TTC29: variants seen among roughly 807,000 people sequenced by gnomAD.
TTC29 encodes the protein tetratricopeptide repeat domain 29.
A neutral mutation model predicts 58.1 loss-of-function variants in TTC29; 49 were observed. The observed-to-expected ratio is 0.84, with a 90% confidence interval of 0.67 to 1.07. TTC29 has a LOEUF of 1.07. Among genes scored for constraint, TTC29 ranks in the 50% least tolerant of loss-of-function variants. The probability of loss-of-function intolerance (pLI) is 0.00; values close to 1 mark genes in which losing one functional copy is unlikely to be tolerated. For synonymous variants in TTC29, 209 were observed against 196.8 expected (o/e 1.06, Z -0.52); for missense variants, 582 against 555.6 (o/e 1.05, Z -0.48).
At chr4:146,917,682 ATAT>A (rs1467602268) in intron 4 of TTC29, among the ~76,000 whole-genome samples, 8 of 99,214 alleles carry the variant, frequency 8.1e-5, no homozygotes, top group South Asian at 6.7e-4. Flanking sequence ...TATAAATTTT[ATAT>A]TATATTACTT....
At chr4:146,782,076 A>AT (rs1454028443) in intron 11 of TTC29, among the ~76,000 whole-genome samples, 2 of 151,896 alleles carry the variant, frequency 1.3e-5, no homozygotes, top group African/African-American at 2.4e-5. Flanking sequence ...AAAACATGGC[A>AT]TTTTTTGAGT....
intron 9 of TTC29, among the ~76,000 whole-genome samples, chr4:146,831,129 C>A (rs1728129668): frequency 6.6e-6 from 1 of 152,166 alleles, no homozygotes; most frequent in African/African-American, 2.4e-5. Flanking sequence ...CACTTTTTCA[C>A]TATGACCTCA....
intron 6 of TTC29, among the ~76,000 whole-genome samples, chr4:146,898,107 G>A (rs909459801): frequency 1.3e-5 from 2 of 152,194 alleles, no homozygotes; most frequent in African/African-American, 4.8e-5. Flanking sequence ...AAATCACATA[G>A]TGTCATGATC....
chr4:146,837,292 A>G (rs1283767421), intron 8 of TTC29, among the ~76,000 whole-genome samples: 1 of 152,042 alleles, frequency 6.6e-6, no homozygotes, highest in African/African-American at 2.4e-5. Context: ...GTGCTAAATG[A>G]TGGGAACTCA....
At chr4:146,825,128 TC>T (rs1727692760) in intron 9 of TTC29, among the ~76,000 whole-genome samples, 1 of 152,206 alleles carries the variant, frequency 6.6e-6, no homozygotes, top group South Asian at 2.1e-4. Context: ...GTTAGTTATT[TC>T]TTGTCTTCTG....
In TTC29 at chr4:146,937,248, A is replaced by G. The variant is rs182931958; in HGVS notation, c.176+346T>C. On this transcript the variant is annotated intron_variant, in intron 4 of 12. Coordinates refer to ENST00000325106, the MANE Select transcript of TTC29 (RefSeq NM_031956.4). Reference sequence around the variant, plus strand: ...TTTCTTTTTCTTTAATCACCAGGAGAAAAGATATATAAATCTGTTTCTTAA... The same window carrying G: ...TTTCTTTTTCTTTAATCACCAGGAGGAAAGATATATAAATCTGTTTCTTAA... Among the ~76,000 whole-genome samples, 10 of 152,194 alleles carry G rather than the reference A, an allele frequency of 6.6e-5. No homozygotes were observed. The East Asian group carries it at 1.7e-3, about 26-fold the overall frequency.
intron 8 of TTC29, among the ~76,000 whole-genome samples, chr4:146,857,197 G>A (rs1729916509): frequency 6.6e-6 from 1 of 151,690 alleles, no homozygotes; most frequent in African/African-American, 2.4e-5. Context: ...TTGCACATCA[G>A]ACACTGAATA....
At chr4:146,723,723 A>G (rs1280726792) in intron 11 of TTC29, among the ~76,000 whole-genome samples, 1 of 152,174 alleles carries the variant, frequency 6.6e-6, no homozygotes, top group Non-Finnish European at 1.5e-5. Context: ...TCAGAAGTGA[A>G]ACAGCAGATG....
chr4:146,737,614 G>A (rs1212851337), intron 11 of TTC29, among the ~76,000 whole-genome samples: 1 of 150,774 alleles, frequency 6.6e-6, no homozygotes. Context: ...CTACAAACGG[G>A]TCTTGACAGG....
At chr4:146,735,444 G>C (rs1415853659) in intron 11 of TTC29, among the ~76,000 whole-genome samples, 1 of 152,180 alleles carries the variant, frequency 6.6e-6, no homozygotes, top group Non-Finnish European at 1.5e-5. Flanking sequence ...CATTGATGGA[G>C]GACCCACGGC....
intron 6 of TTC29, among the ~76,000 whole-genome samples, chr4:146,878,900 G>A (rs1468174457): frequency 1.3e-5 from 2 of 152,064 alleles, no homozygotes; most frequent in African/African-American, 4.8e-5. Flanking sequence ...GGGGGCTCTG[G>A]AATTCCATGG....
At chr4:146,817,472 A>C (rs1393635103) in intron 10 of TTC29, among the ~76,000 whole-genome samples, 1 of 152,232 alleles carries the variant, frequency 6.6e-6, no homozygotes, top group East Asian at 1.9e-4. Context: ...GCTCATGGAT[A>C]GGAAGAATCA....
intron 11 of TTC29, among the ~76,000 whole-genome samples, chr4:146,710,762 G>A (rs1264991504): frequency 6.6e-6 from 1 of 152,048 alleles, no homozygotes; most frequent in Non-Finnish European, 1.5e-5. Context: ...GTAGAAATTG[G>A]CACTTCTTTG....
intron 11 of TTC29, among the ~76,000 whole-genome samples, chr4:146,737,520 A>T (rs1053531746): frequency 6.9e-6 from 1 of 144,466 alleles, no homozygotes; most frequent in African/African-American, 2.5e-5. Flanking sequence ...ACTGCTGATG[A>T]CTACGGGGCA....
chr4:146,903,966 T>C (rs968329307), intron 5 of TTC29, among the ~76,000 whole-genome samples: 1 of 152,188 alleles, frequency 6.6e-6, no homozygotes, highest in Non-Finnish European at 1.5e-5. Context: ...TTAGAACATG[T>C]AGGAAATTGA....
At chr4:146,752,859 C>A (rs1746126588) in intron 11 of TTC29, among the ~76,000 whole-genome samples, 1 of 152,100 alleles carries the variant, frequency 6.6e-6, no homozygotes, top group African/African-American at 2.4e-5. Flanking sequence ...ACGTAGAAAG[C>A]CAAAACTGGA....
intron 11 of TTC29, among the ~76,000 whole-genome samples, chr4:146,732,747 G>A (rs757039291): frequency 6.6e-6 from 1 of 152,090 alleles, no homozygotes; most frequent in Non-Finnish European, 1.5e-5. Flanking sequence ...AGAACTAGGA[G>A]CTAAAAGCTT....
At chr4:146,871,129 A>T (rs1403219099) in intron 7 of TTC29, among the ~76,000 whole-genome samples, 1 of 152,026 alleles carries the variant, frequency 6.6e-6, no homozygotes, top group Admixed American at 6.6e-5. Flanking sequence ...AAGAAGGATT[A>T]TACACCACGA....
At chr4:146,888,308 G>A (rs781480242) in intron 6 of TTC29, among the ~76,000 whole-genome samples, 7 of 152,134 alleles carry the variant, frequency 4.6e-5, no homozygotes, top group Non-Finnish European at 7.4e-5. Flanking sequence ...GAGTTAAAGG[G>A]AAGAATGAGA....
Sources: allele counts gnomAD v4.1 joint callset (sites outside exome capture counted in the v4.1 genomes callset), GRCh38; gene constraint gnomAD v4.1.1; transcripts MANE v1.5; gene names NCBI Gene and HGNC (gene_info 2026-07-23, HGNC 2026-07-21).